The following DPP6 variants were observed in gnomAD, a reference collection of about 807,000 sequenced individuals.
DPP6 encodes A-type potassium channel modulatory protein DPP6.
A neutral mutation model predicts 122.6 loss-of-function variants in DPP6; 69 were observed. The ratio of observed to expected loss-of-function variants is 0.56; its 90% CI spans 0.46 to 0.69. DPP6 has a LOEUF of 0.69. DPP6 is among the 30% of genes least tolerant of loss of function. DPP6 has a pLI of 0.00. For synonymous variants in DPP6, 418 were observed against 433.1 expected (o/e 0.97, Z 0.43); for missense variants, 928 against 1,116.9 (o/e 0.83, Z 2.41).
chr7:154,321,476 G>A (rs891567396), intron 1 of DPP6, among the ~76,000 whole-genome samples: 1 of 151,810 alleles, frequency 6.6e-6, no homozygotes, highest in Non-Finnish European at 1.5e-5. Context: ...TTGGGGATCA[G>A]TGAAGATTAG....
chr7:154,496,570 A>G (rs78615291), intron 3 of DPP6, among the ~76,000 whole-genome samples: 2,925 of 152,330 alleles, frequency 0.019, 93 homozygotes, highest in African/African-American at 0.065. Flanking sequence ...AAGAAAGTCA[A>G]GCTCCTTTGA....
intron 16 of DPP6, among the ~76,000 whole-genome samples, chr7:154,851,565 T>G (rs900095007): frequency 6.6e-6 from 1 of 152,238 alleles, no homozygotes; most frequent in Non-Finnish European, 1.5e-5. Flanking sequence ...TAATTTAAAC[T>G]GGCATTTAAA....
chr7:154,787,622 A>G (rs1018160909), intron 10 of DPP6, among the ~76,000 whole-genome samples: 1 of 152,232 alleles, frequency 6.6e-6, no homozygotes, highest in African/African-American at 2.4e-5. Flanking sequence ...CTCTCTACTG[A>G]AAAGAAATTC....
intron 1 of DPP6, among the ~76,000 whole-genome samples, chr7:154,443,558 G>A (rs182056764): frequency 5.3e-5 from 8 of 150,736 alleles, no homozygotes; most frequent in East Asian, 3.9e-4. Flanking sequence ...ATGGATGGAC[G>A]GATGTGGATG....
chr7:154,030,919 G>A (rs71279259), intron 1 of DPP6, among the ~76,000 whole-genome samples: 221 of 151,914 alleles, frequency 1.5e-3, no homozygotes, highest in African/African-American at 4.8e-3. Flanking sequence ...ACAAAATAAC[G>A]TAAGCCCCCT....
At chr7:153,784,981 C>T in the DPP6 span, among the ~76,000 whole-genome samples, 1 of 152,144 alleles carries the variant, frequency 6.6e-6, no homozygotes, top group African/African-American at 2.4e-5. Flanking sequence ...GGCGAGAATG[C>T]AGTTATAACT....
At chr7:154,874,024 A>G (rs1179471423) in intron 19 of DPP6, among the ~76,000 whole-genome samples, 1 of 151,482 alleles carries the variant, frequency 6.6e-6, no homozygotes, top group African/African-American at 2.4e-5. Context: ...GCACACACAT[A>G]CGTGTGCATA....
In DPP6 at chr7:154,893,465, A is replaced by C. The variant is rs940488043; in HGVS notation, c.*985A>C. 4.2e-5 allele frequency: 6 copies of C among 142,986 alleles called. No homozygotes were observed. Among genetic ancestry groups the C allele is most frequent in the Admixed American group, 6.9e-5 (1 of 14,462 alleles). The allele number at this position is 142,986 out of a possible 1,614,324, so 8.9% of individuals were successfully genotyped here. On this transcript the variant is annotated 3_prime_UTR_variant, in exon 26 of 26. Transcript: ENST00000377770. The stretch of plus-strand genomic sequence containing the variant: ...TGACATTTGGTTTAAAAAAAAAAAA[A>C]AAAAAAAAAAAAAAACAGAAAAAAG...
At chr7:154,032,063 G>T (rs949194341) in intron 1 of DPP6, among the ~76,000 whole-genome samples, 1 of 150,694 alleles carries the variant, frequency 6.6e-6, no homozygotes, top group African/African-American at 2.4e-5. Flanking sequence ...GTAGAGACGG[G>T]GTTTCACCGT....
At chr7:154,382,131 A>G (rs1813676215) in intron 1 of DPP6, among the ~76,000 whole-genome samples, 1 of 148,414 alleles carries the variant, frequency 6.7e-6, no homozygotes, top group South Asian at 2.1e-4. Context: ...TCAAATTTGA[A>G]GTGAGCCGCA....
chr7:154,644,706 CTTTT>C (rs5888584), intron 6 of DPP6, among the ~76,000 whole-genome samples: 4 of 129,952 alleles, frequency 3.1e-5, no homozygotes, highest in Admixed American at 8.1e-5. Flanking sequence ...CTTAAAATGG[CTTTT>C]TTTTTTTTTT....
the DPP6 span, among the ~76,000 whole-genome samples, chr7:153,753,042 C>T: frequency 6.6e-6 from 1 of 152,142 alleles, no homozygotes; most frequent in Non-Finnish European, 1.5e-5. Context: ...CTTTGTATTA[C>T]TTATATTATA....
At position 153,946,152 on chromosome 7, in the gene DPP6, C is replaced by T. The variant is rs186214879; in HGVS notation, c.51+58418C>T. ...CTGAAGAGAAGGTTCTTGGACCTCA[C>T]GCAAGAAGGAATTCAGGGCAAGTCT... is the stretch of plus-strand genomic sequence containing the variant. On this transcript the variant is annotated intron_variant, in intron 1 of 25. Transcript: ENST00000404039. Among the ~76,000 whole-genome samples the T allele has an allele frequency of 3.3e-5, 5 of 152,172 alleles. No individual in the cohort carries two copies. In the East Asian group the frequency reaches 7.7e-4, roughly 24 times the overall value.
intron 1 of DPP6, among the ~76,000 whole-genome samples, chr7:154,172,605 CTTT>C (rs539600568): frequency 4.4e-5 from 6 of 137,362 alleles, no homozygotes; most frequent in Admixed American, 7.3e-5. Context: ...CTTTTTTTTT[CTTT>C]TTTTTTTTTT....
the DPP6 span, among the ~76,000 whole-genome samples, chr7:153,842,708 T>C: frequency 6.6e-6 from 1 of 152,192 alleles, no homozygotes; most frequent in Non-Finnish European, 1.5e-5. Flanking sequence ...ACAAAACCTT[T>C]TGAAGTAATG....
intron 1 of DPP6, among the ~76,000 whole-genome samples, chr7:153,964,811 CCTTTCCTTTCCTTTCCTTTT>C (rs1563055124): frequency 4.3e-5 from 2 of 46,336 alleles, no homozygotes; most frequent in Non-Finnish European, 6.7e-5. Context: ...CCTTTCCTTT[CCTTTCCTTTCCTTTCCTTTT>C]CCTTTTCCTT....
the DPP6 span, among the ~76,000 whole-genome samples, chr7:153,783,489 C>T: frequency 1.3e-5 from 2 of 152,126 alleles, no homozygotes; most frequent in African/African-American, 2.4e-5. Flanking sequence ...TACAACTCAA[C>T]GTGAGATTTG....
At chr7:154,072,608 G>A (rs1226168974) in intron 1 of DPP6, among the ~76,000 whole-genome samples, 3 of 152,304 alleles carry the variant, frequency 2.0e-5, no homozygotes, top group Non-Finnish European at 4.4e-5. Flanking sequence ...GCAGGTAGCT[G>A]CCTACCCTGA....
chr7:154,069,790 G>GT (rs1802986546), intron 1 of DPP6, among the ~76,000 whole-genome samples: 1 of 146,466 alleles, frequency 6.8e-6, no homozygotes. Flanking sequence ...AGTGGCTCAC[G>GT]TCCCTAATCC....
Sources: gnomAD v4.1 joint callset for allele counts (sites outside exome capture counted in the v4.1 genomes callset) on GRCh38, gnomAD v4.1.1 for gene constraint, MANE v1.5 for transcripts, NCBI Gene and HGNC (gene_info 2026-07-23, HGNC 2026-07-21) for gene names.